Variants in KDM2B observed in about 807,000 individuals in gnomAD.
The protein encoded by KDM2B is lysine-specific demethylase 2B.
In KDM2B, 26 loss-of-function variants were observed where a neutral mutation model predicts 150.0. The ratio of observed to expected loss-of-function variants is 0.17; its 90% CI spans 0.13 to 0.24. The LOEUF (loss-of-function observed/expected upper bound fraction) is 0.24. Ranked by LOEUF, KDM2B falls within the 10% of genes least tolerant of loss-of-function variation. KDM2B has a pLI of 1.00. For synonymous variants in KDM2B, 734 were observed against 729.5 expected, an observed-to-expected ratio of 1.01 and a Z score of -0.10; for missense variants, 1,265 against 1,816.9, an observed-to-expected ratio of 0.70 and a Z score of 5.52.
intron 6 of KDM2B, among the ~76,000 whole-genome samples, chr12:121,543,437 G>C (rs1040410621): frequency 6.6e-6 from 1 of 152,124 alleles, no homozygotes. Flanking sequence ...TAACTATCTG[G>C]ATCACTTGAG....
At chr12:121,445,964 A>G (rs1156916767) in intron 13 of KDM2B, among the ~76,000 whole-genome samples, 1 of 152,210 alleles carries the variant, frequency 6.6e-6, no homozygotes, top group Non-Finnish European at 1.5e-5. Context: ...CTGTCTTCAG[A>G]ATAACAGACG....
intron 11 of KDM2B, among the ~76,000 whole-genome samples, chr12:121,498,202 C>T (rs1566340764): frequency 6.6e-6 from 1 of 152,178 alleles, no homozygotes; most frequent in Non-Finnish European, 1.5e-5. Flanking sequence ...AGAGACCTCC[C>T]ATTCCCCCCT....
chr12:121,421,380 A>AAG, the KDM2B span, among the ~76,000 whole-genome samples: 1 of 144,610 alleles, frequency 6.9e-6, no homozygotes, highest in Non-Finnish European at 1.5e-5. Flanking sequence ...CTAAAAAAAA[A>AAG]AAAAAAAAAA....
At chr12:121,415,673 A>G in the KDM2B span, among the ~76,000 whole-genome samples, 1 of 152,082 alleles carries the variant, frequency 6.6e-6, no homozygotes, top group Non-Finnish European at 1.5e-5. Context: ...GTTAAATAAT[A>G]GCTGAGAAAA....
At chr12:121,512,601 C>T (rs1037341098) in intron 10 of KDM2B, among the ~76,000 whole-genome samples, 12 of 152,060 alleles carry the variant, frequency 7.9e-5, no homozygotes, top group East Asian at 1.9e-4. Flanking sequence ...ACAGCTCAGA[C>T]GCAGCCGAGA....
the KDM2B span, chr12:121,420,238 G>C: frequency 1.2e-6 from 2 of 1,608,942 alleles, no homozygotes; most frequent in Non-Finnish European, 1.7e-6. Flanking sequence ...TTGTATAAGT[G>C]TAGGTACAAA....
rs1555285060 is a variant in KDM2B at position 121,430,020 on chromosome 12, C to G, written c.*268G>C. 2.8e-6 allele frequency: 3 copies of G among 1,072,068 alleles called. No individual in the cohort carries two copies. Among genetic ancestry groups the G allele is most frequent in the East Asian group, 4.7e-5 (2 of 42,406 alleles). The allele number at this position is 1,072,068 out of a possible 1,614,324, so 66.4% of individuals were successfully genotyped here. ...GAGAATTTCTCCGAAGTCCACCCTCCTCTCCGACAGGAATGTCTTCTTGTA... is the reference window on the plus strand; with the variant it reads ...GAGAATTTCTCCGAAGTCCACCCTCGTCTCCGACAGGAATGTCTTCTTGTA... On this transcript the variant is annotated 3_prime_UTR_variant, in exon 23 of 23. Transcript: ENST00000377071. This position sits in a 1 kb window ranked among gnomAD's most constrained non-coding sequence, Gnocchi z 4.4.
the KDM2B span, among the ~76,000 whole-genome samples, chr12:121,415,050 C>A: frequency 1.3e-5 from 2 of 151,770 alleles, no homozygotes; most frequent in African/African-American, 4.8e-5. Context: ...GAGCCGAGAT[C>A]ACGCCATTAC....
At chr12:121,472,145 G>A (rs1555296014) in intron 12 of KDM2B, among the ~76,000 whole-genome samples, 2 of 152,134 alleles carry the variant, frequency 1.3e-5, no homozygotes, top group African/African-American at 4.8e-5. Flanking sequence ...CAGAGCAGGA[G>A]GCCTGCATAG....
intron 8 of KDM2B, among the ~76,000 whole-genome samples, chr12:121,522,711 G>C (rs1337816148): frequency 6.6e-6 from 1 of 151,824 alleles, no homozygotes; most frequent in African/African-American, 2.4e-5. Context: ...AGCCAGGCTT[G>C]GTGGCACATG....
At chr12:121,553,975 G>A (rs1397409941) in intron 4 of KDM2B, among the ~76,000 whole-genome samples, 3 of 151,018 alleles carry the variant, frequency 2.0e-5, no homozygotes, top group African/African-American at 7.3e-5. Context: ...AGAGCTGGAA[G>A]GAGCGCTGGG....
Position 121,453,833 on chromosome 12 carries a change from G to T in KDM2B, c.1735-489C>A, listed in dbSNP as rs1190650274. ...AAAGGCCGGTTGTTTTAAGCCACCC[G>T]TTATGGCAGCCCTAGGAGAGGACGA... On this transcript the variant is annotated intron_variant, in intron 12 of 22. Transcript: ENST00000377071. This position sits in a 1 kb window ranked among gnomAD's most constrained non-coding sequence, Gnocchi z 6.4. Among the ~76,000 whole-genome samples, 2 of 152,112 alleles carry T rather than the reference G, an allele frequency of 1.3e-5. No individual in the cohort carries two copies. The highest frequency in any genetic ancestry group is 4.8e-5 in the African/African-American group (2 of 41,420).
the KDM2B span, among the ~76,000 whole-genome samples, chr12:121,411,993 T>C: frequency 6.6e-6 from 1 of 152,212 alleles, no homozygotes; most frequent in Non-Finnish European, 1.5e-5. Flanking sequence ...ACAAAGTTTT[T>C]CCAGTTTTAA....
chr12:121,431,957 T>A (rs1483319234), intron 22 of KDM2B, among the ~76,000 whole-genome samples: 1 of 150,750 alleles, frequency 6.6e-6, no homozygotes, highest in Non-Finnish European at 1.5e-5. Flanking sequence ...GACCTCGGCT[T>A]ACTGCAACCT....
chr12:121,497,945 A>T (rs1336106776), intron 11 of KDM2B, among the ~76,000 whole-genome samples: 2 of 151,834 alleles, frequency 1.3e-5, no homozygotes, highest in Non-Finnish European at 2.9e-5. Flanking sequence ...AAACTACAAA[A>T]ATTAGCCAGA....
At chr12:121,539,842 A>C (rs78936556) in intron 6 of KDM2B, among the ~76,000 whole-genome samples, 19,908 of 151,912 alleles carry the variant, frequency 0.13, 2,758 homozygotes, top group African/African-American at 0.35. Flanking sequence ...CGAGTTTAAG[A>C]GATTCTCATG....
chr12:121,427,105 G>A (rs1240486453), downstream of KDM2B, among the ~76,000 whole-genome samples: 1 of 152,158 alleles, frequency 6.6e-6, no homozygotes, highest in East Asian at 1.9e-4. Context: ...TCTTTTCTAG[G>A]TTACTAAGCT....
intron 13 of KDM2B, among the ~76,000 whole-genome samples, chr12:121,447,494 C>T (rs1430736892): frequency 1.3e-5 from 2 of 152,124 alleles, no homozygotes; most frequent in South Asian, 2.1e-4. Context: ...CCACCCACAT[C>T]GGCCTCCCAA....
rs375776672 is a variant in KDM2B, at chr12:121,510,822, ATAC to A, written c.1175-786_1175-784del. 9.3e-3 allele frequency among the ~76,000 whole-genome samples: 1,266 copies of A among 136,530 alleles called. 19 individuals carry two copies. The highest frequency in any genetic ancestry group is 0.033 in the African/African-American group (1,188 of 35,496). The allele number at this position is 136,530 out of a possible 152,430, so 89.6% of individuals were successfully genotyped here. Reference sequence around the variant, plus strand: ...AATAATAATAATAATAATAATAATAATACTAAAATAAAATAAAAATAAGTCTAA... The same window carrying A: ...AATAATAATAATAATAATAATAATAATAAAATAAAATAAAAATAAGTCTAA... On this transcript the variant is annotated intron_variant, in intron 10 of 22. Coordinates refer to ENST00000377071, the MANE Select transcript of KDM2B (RefSeq NM_032590.5).
Sources: gnomAD v4.1 joint callset for allele counts (sites outside exome capture counted in the v4.1 genomes callset) on GRCh38, gnomAD v4.1.1 for gene constraint, Gnocchi (gnomAD v3.1) non-coding constraint, MANE v1.5 for transcripts, NCBI Gene and HGNC (gene_info 2026-07-23, HGNC 2026-07-21) for gene names.